MIPOL1: variants seen among roughly 807,000 people sequenced by gnomAD.
MIPOL1 encodes the protein mirror-image polydactyly gene 1 protein.
A neutral mutation model predicts 60.9 loss-of-function variants in MIPOL1; 57 were observed. That is an observed-to-expected ratio of 0.94 (90% CI 0.76 to 1.17). The LOEUF (loss-of-function observed/expected upper bound fraction) is 1.17. Among genes scored for constraint, MIPOL1 ranks in the 50% most tolerant of loss-of-function variants. MIPOL1 has a pLI of 0.00. For synonymous variants in MIPOL1, 179 were observed against 168.8 expected (o/e 1.06, Z -0.47); for missense variants, 551 against 511.6 (o/e 1.08, Z -0.74).
chr14:37,237,317 A>T (rs1971643463), intron 1 of MIPOL1, among the ~76,000 whole-genome samples: 1 of 152,090 alleles, frequency 6.6e-6, no homozygotes, highest in Admixed American at 6.6e-5. Context: ...AGTTAGAGGG[A>T]GGGAACTGCT....
chr14:37,319,597 G>C (rs2088325736), intron 9 of MIPOL1, among the ~76,000 whole-genome samples: 3 of 152,090 alleles, frequency 2.0e-5, no homozygotes. Context: ...GAGGTGATGA[G>C]GTTCTAAACA....
chr14:37,315,919 C>A (rs1450407287), intron 9 of MIPOL1, among the ~76,000 whole-genome samples: 3 of 151,684 alleles, frequency 2.0e-5, no homozygotes, highest in Non-Finnish European at 4.4e-5. Flanking sequence ...AGAGGAGGAG[C>A]CAGGAGAGGA....
downstream of MIPOL1, chr14:37,552,177 C>T (rs1004842463): frequency 3.3e-5 from 5 of 151,994 alleles, no homozygotes; most frequent in Admixed American, 2.6e-4. Context: ...ATTCTATAAA[C>T]TGGTGTTATC....
chr14:37,342,292 C>G (rs563100347), intron 9 of MIPOL1, among the ~76,000 whole-genome samples: 1 of 151,378 alleles, frequency 6.6e-6, no homozygotes, highest in African/African-American at 2.4e-5. Flanking sequence ...GGGAGGGAGG[C>G]GGAGGTTGCA....
At chr14:37,429,056 A>G (rs1353794928) in intron 11 of MIPOL1, among the ~76,000 whole-genome samples, 5 of 152,220 alleles carry the variant, frequency 3.3e-5, no homozygotes, top group Admixed American at 2.6e-4. Context: ...TGCTAAATCC[A>G]TTTGCAACAC....
intron 4 of MIPOL1, among the ~76,000 whole-genome samples, 162 bp downstream of exon 4, chr14:37,267,331 T>TA (rs1390350513): frequency 6.6e-6 from 1 of 151,776 alleles, no homozygotes; most frequent in East Asian, 1.9e-4. Flanking sequence ...CTACTGAAAA[T>TA]ACAAAAATCA....
intron 7 of MIPOL1, among the ~76,000 whole-genome samples, chr14:37,287,924 T>C (rs2084713974): frequency 2.0e-5 from 3 of 152,080 alleles, no homozygotes; most frequent in Admixed American, 1.3e-4. Flanking sequence ...CCACCAGGCC[T>C]GGTCAGAATT....
At chr14:37,418,527 A>G (rs1389901808) in intron 10 of MIPOL1, among the ~76,000 whole-genome samples, 1 of 152,162 alleles carries the variant, frequency 6.6e-6, no homozygotes, top group African/African-American at 2.4e-5. Context: ...CTGTTATCAA[A>G]TGATCATTTG....
At chr14:37,353,201 A>T (rs1595336452) in intron 9 of MIPOL1, among the ~76,000 whole-genome samples, 1 of 147,154 alleles carries the variant, frequency 6.8e-6, no homozygotes, top group Non-Finnish European at 1.5e-5. Flanking sequence ...TATACGCTGG[A>T]TTACATTTAT....
chr14:37,531,189 C>A (rs2095477076), intron 12 of MIPOL1, among the ~76,000 whole-genome samples: 2 of 152,088 alleles, frequency 1.3e-5, no homozygotes, highest in Non-Finnish European at 2.9e-5. Flanking sequence ...AGTTGTAAAT[C>A]TTTGCTTATT....
chr14:37,341,331 CT>C (rs1469160512), intron 9 of MIPOL1, among the ~76,000 whole-genome samples: 10 of 152,096 alleles, frequency 6.6e-5, no homozygotes. Context: ...ATGCCTATAG[CT>C]ATTTTTTTGT....
intron 1 of MIPOL1, among the ~76,000 whole-genome samples, chr14:37,228,564 A>G (rs770654124): frequency 3.9e-5 from 6 of 152,044 alleles, no homozygotes; most frequent in African/African-American, 7.2e-5. Context: ...ACATGATGGC[A>G]CCATGACCCA....
At chr14:37,329,285 A>G (rs1365818805) in intron 9 of MIPOL1, among the ~76,000 whole-genome samples, 2 of 152,166 alleles carry the variant, frequency 1.3e-5, no homozygotes, top group African/African-American at 4.8e-5. Flanking sequence ...TAAAAACTAG[A>G]AAGTGTCCTG....
At chr14:37,424,734 G>A (rs116721611) in intron 11 of MIPOL1, among the ~76,000 whole-genome samples, 1,542 of 152,200 alleles carry the variant, frequency 0.01, 28 homozygotes, top group African/African-American at 0.034. Flanking sequence ...TACAGGTATC[G>A]AAAACCCTGA....
intron 10 of MIPOL1, among the ~76,000 whole-genome samples, chr14:37,376,312 A>G (rs1000579486): frequency 1.3e-5 from 2 of 152,140 alleles, no homozygotes; most frequent in African/African-American, 2.4e-5. Context: ...TCACCGCCCA[A>G]AATATCCTCT....
intron 9 of MIPOL1, among the ~76,000 whole-genome samples, chr14:37,339,235 A>C (rs2090403832): frequency 6.6e-6 from 1 of 152,232 alleles, no homozygotes; most frequent in Non-Finnish European, 1.5e-5. Flanking sequence ...GTGATCAGGA[A>C]AACATAAATT....
At chr14:37,405,084 T>G (rs1160673573) in intron 10 of MIPOL1, among the ~76,000 whole-genome samples, 1 of 152,186 alleles carries the variant, frequency 6.6e-6, no homozygotes, top group Admixed American at 6.5e-5. Context: ...AGAGCTTAAC[T>G]TTTTTAGATC....
At chr14:37,445,378 C>CCT (rs1595806049) in intron 11 of MIPOL1, among the ~76,000 whole-genome samples, 1 of 152,020 alleles carries the variant, frequency 6.6e-6, no homozygotes, top group African/African-American at 2.4e-5. Flanking sequence ...ACATGAAGGA[C>CCT]CTCTTCAAGG....
chr14:37,350,395 C>CTTTTCT (rs2091267892), intron 9 of MIPOL1, among the ~76,000 whole-genome samples: 1 of 151,746 alleles, frequency 6.6e-6, no homozygotes, highest in Non-Finnish European at 1.5e-5. Flanking sequence ...TTTTTCTTTT[C>CTTTTCT]TTTTCTTTTT....
Sources: gnomAD v4.1 joint callset for allele counts (sites outside exome capture counted in the v4.1 genomes callset) on GRCh38, gnomAD v4.1.1 for gene constraint, MANE v1.5 for transcripts, NCBI Gene and HGNC (gene_info 2026-07-23, HGNC 2026-07-21) for gene names.